Variants in KAZN observed in about 807,000 individuals in gnomAD.
KAZN encodes kazrin, periplakin interacting protein.
In KAZN, 40 loss-of-function variants were observed where a neutral mutation model predicts 87.4. The ratio of observed to expected loss-of-function variants is 0.46; its 90% CI spans 0.36 to 0.60. The LOEUF is 0.60. KAZN is among the 20% of genes least tolerant of loss of function. KAZN has a pLI of 0.00. For synonymous variants in KAZN, 466 were observed against 458.3 expected, an observed-to-expected ratio of 1.02 and a Z score of -0.22; for missense variants, 898 against 1,073.9, an observed-to-expected ratio of 0.84 and a Z score of 2.29.
chr1:14,821,922 C>T (rs1646747749), intron 1 of KAZN, among the ~76,000 whole-genome samples: 1 of 152,192 alleles, frequency 6.6e-6, no homozygotes, highest in Non-Finnish European at 1.5e-5. Context: ...GCTCCAGACA[C>T]GTGGTGGTTT....
intron 2 of KAZN, among the ~76,000 whole-genome samples, chr1:14,216,245 A>G (rs1384637876): frequency 6.6e-6 from 1 of 152,218 alleles, no homozygotes; most frequent in Admixed American, 6.5e-5. Flanking sequence ...AATGTCCAAC[A>G]TGTACTCAAT....
intron 2 of KAZN, among the ~76,000 whole-genome samples, chr1:14,365,999 G>A (rs1023495948): frequency 6.6e-6 from 1 of 152,168 alleles, no homozygotes; most frequent in Non-Finnish European, 1.5e-5. Context: ...TCATACACGA[G>A]TCATAGCCTA....
At chr1:14,805,928 G>T (rs941623796) in intron 1 of KAZN, among the ~76,000 whole-genome samples, 2 of 152,186 alleles carry the variant, frequency 1.3e-5, no homozygotes, top group African/African-American at 4.8e-5. Context: ...TTTGCCACTT[G>T]CAAGATAATA....
intron 1 of KAZN, among the ~76,000 whole-genome samples, chr1:14,611,275 T>G (rs1429148141): frequency 6.6e-6 from 1 of 152,324 alleles, no homozygotes; most frequent in Non-Finnish European, 1.5e-5. Flanking sequence ...AACGTTCTTC[T>G]GGGCTTTCCC....
At chr1:13,897,922 C>A (rs935801009) in intron 1 of KAZN, among the ~76,000 whole-genome samples, 1 of 152,186 alleles carries the variant, frequency 6.6e-6, no homozygotes, top group Non-Finnish European at 1.5e-5. Flanking sequence ...TCTAACCCCC[C>A]ACCCAAATTT....
At chr1:14,574,965 G>A (rs1675090672) in intron 2 of KAZN, among the ~76,000 whole-genome samples, 1 of 152,204 alleles carries the variant, frequency 6.6e-6, no homozygotes, top group African/African-American at 2.4e-5. Context: ...ATACAGCCAG[G>A]TGAGGAGCTT....
At chr1:14,777,464 T>C (rs542468120) in intron 1 of KAZN, among the ~76,000 whole-genome samples, 1 of 152,270 alleles carries the variant, frequency 6.6e-6, no homozygotes, top group South Asian at 2.1e-4. Context: ...GGCCTCCTCA[T>C]GCTGCCAGGA....
In KAZN at chr1:14,984,096, GTGACTCACACCTGTAATCCAAGCACT is replaced by G. The variant is rs543054662; in HGVS notation, c.418+23223_418+23248del. ...AGTAGAGCAAATGTGGCTGGGCATA[GTGACTCACACCTGTAATCCAAGCACT>G]TTGGGAGGCCGAGGCAGGCAGATCA... is the stretch of plus-strand genomic sequence containing the variant. On this transcript the variant is annotated intron_variant, in intron 2 of 14. Transcript: ENST00000376030. Among the ~76,000 whole-genome samples the G allele has an allele frequency of 1.1e-4, 16 of 152,254 alleles. No homozygotes were observed. In the East Asian group the frequency reaches 2.9e-3, roughly 28 times the overall value.
At chr1:14,777,366 C>T (rs142080906) in intron 1 of KAZN, among the ~76,000 whole-genome samples, 40 of 152,270 alleles carry the variant, frequency 2.6e-4, no homozygotes, top group African/African-American at 9.6e-4. Flanking sequence ...CCTCATGATA[C>T]GTAGCTAATG....
intron 1 of KAZN, among the ~76,000 whole-genome samples, chr1:14,690,203 G>C (rs532057916): frequency 3.3e-5 from 5 of 152,128 alleles, no homozygotes; most frequent in Non-Finnish European, 7.3e-5. Flanking sequence ...ATGCATCTGC[G>C]GTCCTGCTGG....
At chr1:14,100,314 T>C (rs1230663423) in intron 1 of KAZN, among the ~76,000 whole-genome samples, 1 of 152,164 alleles carries the variant, frequency 6.6e-6, no homozygotes, top group Non-Finnish European at 1.5e-5. Context: ...AATCCGCAGC[T>C]CGACCTCAGA....
intron 1 of KAZN, among the ~76,000 whole-genome samples, chr1:14,052,085 G>A (rs1371543181): frequency 6.6e-6 from 1 of 152,094 alleles, no homozygotes; most frequent in African/African-American, 2.4e-5. Flanking sequence ...TGGAGAATAC[G>A]CTCCTTGATT....
rs115343024 is a variant in KAZN at position 14,314,478 on chromosome 1, T to C, written c.249+133886T>C. On this transcript the variant is annotated intron_variant, in intron 2 of 16. Transcript: ENST00000636203. ...ATGTCCTGGTTACATGAGATTCCTG[T>C]TGGCTTTTAAGTTTGGACAAGACAC... Among the ~76,000 whole-genome samples, 332 of 152,278 alleles carry C rather than the reference T, an allele frequency of 2.2e-3. 2 individuals are homozygous for C. The highest frequency in any genetic ancestry group is 7.7e-3 in the African/African-American group (322 of 41,574).
In KAZN at chr1:14,426,092, C is replaced by A. The variant is rs1347236747; in HGVS notation, c.250-172891C>A. 2.0e-5 allele frequency among the ~76,000 whole-genome samples: 3 copies of A among 152,250 alleles called. No individual in the cohort carries two copies. In the East Asian group the frequency reaches 5.8e-4, roughly 29 times the overall value. ...CCCCCGGCCTCCTCTCCTTTCCTTTCATCCTGCCTGAATCAGCTCAGCCTC... is the reference window on the plus strand; with the variant it reads ...CCCCCGGCCTCCTCTCCTTTCCTTTAATCCTGCCTGAATCAGCTCAGCCTC... On this transcript the variant is annotated intron_variant, in intron 2 of 16. Coordinates refer to the KAZN transcript ENST00000636203.
chr1:14,474,657 G>A (rs2480060), intron 2 of KAZN, among the ~76,000 whole-genome samples: 48,072 of 152,014 alleles, frequency 0.32, 7,837 homozygotes, highest in East Asian at 0.4. Context: ...ATATTTAAGA[G>A]CTTGAATTTG....
chr1:15,012,819 G>A (rs1669709995), intron 2 of KAZN, among the ~76,000 whole-genome samples: 1 of 152,184 alleles, frequency 6.6e-6, no homozygotes, highest in Admixed American at 6.5e-5. Flanking sequence ...CTACTCAGGA[G>A]GCAGAGGTAT....
chr1:14,277,822 TC>T (rs1652504324), intron 2 of KAZN, among the ~76,000 whole-genome samples: 1 of 152,094 alleles, frequency 6.6e-6, no homozygotes. Context: ...GGATATTATA[TC>T]ATTCTAATTT....
chr1:14,080,484 G>A (rs1259972638), intron 1 of KAZN, among the ~76,000 whole-genome samples: 1 of 137,338 alleles, frequency 7.3e-6, no homozygotes, highest in African/African-American at 2.7e-5. Context: ...AAAAGGGGGT[G>A]GGTAGAGAGA....
intron 2 of KAZN, among the ~76,000 whole-genome samples, chr1:14,392,200 G>C (rs1235002720): frequency 1.3e-5 from 2 of 152,162 alleles, no homozygotes; most frequent in Non-Finnish European, 2.9e-5. Flanking sequence ...TTCCAGAGAA[G>C]ACCACAAAAT....
Sources: allele counts gnomAD v4.1 joint callset (sites outside exome capture counted in the v4.1 genomes callset), GRCh38; gene constraint gnomAD v4.1.1; transcripts MANE v1.5; gene names NCBI Gene and HGNC (gene_info 2026-07-23, HGNC 2026-07-21).